The following LVRN variants were observed in gnomAD, a reference collection of about 807,000 sequenced individuals.
LVRN encodes laeverin.
A neutral mutation model predicts 111.4 loss-of-function variants in LVRN; 99 were observed. The observed-to-expected ratio is 0.89, with a 90% CI of 0.76 to 1.05. The LOEUF (loss-of-function observed/expected upper bound fraction) is 1.05, where lower values mean the gene tolerates loss of function less well. LVRN is among the 50% of genes least tolerant of loss of function. The pLI, the probability that LVRN is intolerant of heterozygous loss-of-function variation, is 0.00. For missense variants in LVRN, 1,414 were observed against 1,206.8 expected (o/e 1.17, Z -2.54); for synonymous variants, 488 against 449.5 (o/e 1.09, Z -1.08).
chr5:115,997,890 G>A (rs965986018), intron 6 of LVRN, among the ~76,000 whole-genome samples: 1 of 152,096 alleles, frequency 6.6e-6, no homozygotes, highest in Non-Finnish European at 1.5e-5. Context: ...AGACCTCTAG[G>A]GTGTTGAGGA....
chr5:116,012,345 T>C, intron 14 of LVRN, 29 bp from the exon 15 acceptor site: 1 of 1,224,754 alleles, frequency 8.2e-7, no homozygotes, highest in South Asian at 1.3e-5. Context: ...AAGCCAGAAC[T>C]AACAGTGTAT....
intron 13 of LVRN, among the ~76,000 whole-genome samples, chr5:116,006,656 T>G (rs1748381717): frequency 6.6e-6 from 1 of 152,228 alleles, no homozygotes; most frequent in Admixed American, 6.5e-5. Flanking sequence ...TTAGGACCAA[T>G]CATGGTTACA....
At position 116,003,481 on chromosome 5, in the gene LVRN, TC is replaced by T. The variant is rs1748284031; in HGVS notation, c.2037+104del. 9.5e-6 allele frequency: 7 copies of T among 738,458 alleles called. No individual in the cohort carries two copies. The South Asian group carries it at 2.3e-4, about 25-fold the overall frequency. 45.7% of individuals were successfully genotyped at this position (738,458 alleles called of 1,614,324 possible). On this transcript the variant is annotated intron_variant, in intron 12 of 19. Coordinates refer to ENST00000357872, the MANE Select transcript of LVRN (RefSeq NM_173800.5). ...TGGTGGGAAGAGATTCCACCTTCAT[TC>T]CCGCCCCTCACCTCCAGGCATGCAA...
In LVRN at chr5:115,962,926, G is replaced by A. The variant is rs141674956; in HGVS notation, c.309G>A (p.Val103=). ...WDQLRLPPWL[V]PLHYDLELWP... is the part of the protein sequence containing the mutation. Reference sequence around the variant, plus strand: ...AGCTACGCCTGCCGCCCTGGCTCGTGCCGCTGCACTACGATCTGGAGCTGT... The same window carrying A: ...AGCTACGCCTGCCGCCCTGGCTCGTACCGCTGCACTACGATCTGGAGCTGT... Residue 103 remains valine (V), a synonymous_variant, in exon 1 of 20, where the codon GTG becomes GTA. Transcript: ENST00000357872. 6.8e-5 allele frequency: 109 copies of A among 1,612,890 alleles called. No homozygotes were observed. The highest frequency in any genetic ancestry group is 4.6e-5 in the Non-Finnish European group (54 of 1,179,768).
chr5:116,022,528 G>A lies in LVRN; in HGVS notation c.2832+62G>A. On this transcript the variant is annotated intron_variant, in intron 19 of 19. Coordinates refer to ENST00000357872, the MANE Select transcript of LVRN (RefSeq NM_173800.5). Reference sequence around the variant, plus strand: ...TTGGAAACCACTTTTTATGCAATTTGGACTTGCTAAAATTAAAAATAATAT... The same window carrying A: ...TTGGAAACCACTTTTTATGCAATTTAGACTTGCTAAAATTAAAAATAATAT... 5 of 1,136,606 alleles carry A rather than the reference G, an allele frequency of 4.4e-6. No individual in the cohort carries two copies. The Admixed American group carries it at 6.7e-5, about 15-fold the overall frequency. The allele number at this position is 1,136,606 out of a possible 1,614,324, so 70.4% of individuals were successfully genotyped here.
At chr5:115,987,401 G>A (rs1019851035) in intron 3 of LVRN, among the ~76,000 whole-genome samples, 6 of 152,112 alleles carry the variant, frequency 3.9e-5, no homozygotes, top group Admixed American at 3.3e-4. Flanking sequence ...TGCTTAATAT[G>A]TACCATACTA....
chr5:115,999,922 T>C lies in LVRN; in HGVS notation c.1515+20T>C, dbSNP rs1189507442. 1 of 1,598,834 alleles carries C rather than the reference T, an allele frequency of 6.3e-7. No individual in the cohort carries two copies. The highest frequency in any genetic ancestry group is 1.8e-5 in the Admixed American group (1 of 55,338). ...AGCAAGGTAAAAGCAGTTAGAAATT[T>C]CCTTTGGTTTTGTACTCTGGTAGAA... On this transcript the variant is annotated intron_variant, in intron 7 of 19. Transcript: ENST00000357872.
chr5:115,971,347 T>G (rs983548423), intron 1 of LVRN, among the ~76,000 whole-genome samples: 4 of 152,234 alleles, frequency 2.6e-5, no homozygotes, highest in African/African-American at 9.6e-5. Context: ...GAAGTTCAGT[T>G]TATCAATGTT....
chr5:115,984,420 A>G (rs1181231714), intron 2 of LVRN, 150 bp from the exon 3 acceptor site: 3 of 900,648 alleles, frequency 3.3e-6, no homozygotes, highest in Admixed American at 2.9e-5. Context: ...GGTTTTGGAT[A>G]GCTTAGGAGT....
rs1753122459 is a variant in LVRN, at chr5:115,963,036, C to T, written c.419C>T (p.Ala140Val). Residue 140 changes from alanine to valine, a missense_variant, in exon 1 of 20, where the codon GCC becomes GTC. Coordinates refer to ENST00000357872, the MANE Select transcript of LVRN (RefSeq NM_173800.5). The part of the protein sequence containing the change: ...RVNITVRCTV[A>V]TSRLLLHSLF... Reference sequence around the variant, plus strand: ...AACATCACGGTGCGCTGCACGGTGGCCACCTCTCGACTGCTGCTGCATAGC... The same window carrying T: ...AACATCACGGTGCGCTGCACGGTGGTCACCTCTCGACTGCTGCTGCATAGC... The T allele has an allele frequency of 6.2e-7, 1 of 1,613,482 alleles. No homozygotes were observed. The highest frequency in any genetic ancestry group is 1.1e-5 in the South Asian group (1 of 91,084).
At chr5:116,001,970 A>G (rs2112605766) in intron 10 of LVRN, among the ~76,000 whole-genome samples, 1 of 152,288 alleles carries the variant, frequency 6.6e-6, no homozygotes, top group Admixed American at 6.5e-5. Flanking sequence ...CTGATTTTCA[A>G]CTGTTTTTGA....
In LVRN at chr5:115,992,634, T is replaced by C. The variant is rs530514798; in HGVS notation, c.1260+357T>C. Among the ~76,000 whole-genome samples the C allele has an allele frequency of 3.1e-4, 47 of 152,360 alleles. No homozygotes were observed. The South Asian group carries it at 3.7e-3, about 12-fold the overall frequency. ...GCTATTCAAAAGGATCACTGAAAGA[T>C]ACCCACATTTCATCAGCAGATTGTT... On this transcript the variant is annotated intron_variant, in intron 5 of 19. Transcript: ENST00000357872.
Position 116,026,208 on chromosome 5 carries a change from C to G in LVRN, c.*90C>G. The G allele has an allele frequency of 6.5e-7, 1 of 1,527,638 alleles. No individual in the cohort carries two copies. Among genetic ancestry groups the G allele is most frequent in the Non-Finnish European group, 8.9e-7 (1 of 1,119,432 alleles). The allele number at this position is 1,527,638 out of a possible 1,614,324, so 94.6% of individuals were successfully genotyped here. A position where few individuals can be genotyped will look rare whatever the true frequency, so the allele number is the denominator to read the frequency against. On this transcript the variant is annotated 3_prime_UTR_variant, in exon 20 of 20. Transcript: ENST00000357872. ...CCAATACTTTGTGAGTCTGGAAAAC[C>G]ACACATTTTATTTGTATTTCAGTCA...
intron 1 of LVRN, among the ~76,000 whole-genome samples, chr5:115,971,569 T>C (rs6594921): frequency 0.38 from 57,279 of 151,936 alleles, 11,360 homozygotes; most frequent in East Asian, 0.52. Flanking sequence ...TGTTAAAGAG[T>C]CTATGCTATC....
At chr5:115,994,041 TG>T (rs1471768240) in intron 6 of LVRN, among the ~76,000 whole-genome samples, 187 bp downstream of exon 6, 1 of 143,382 alleles carries the variant, frequency 7.0e-6, no homozygotes, top group East Asian at 2.6e-4. Context: ...CTATTGTAAA[TG>T]TTTTTGAAGG....
Position 115,992,290 on chromosome 5 carries a change from A to G in LVRN, c.1260+13A>G. On this transcript the variant is annotated intron_variant, in intron 5 of 19. Transcript: ENST00000357872. ...GATTGGACACCAGGCATGTGGTAAAATGTTCTTTTTATTTCACTTGAAGTT... is the reference window on the plus strand; with the variant it reads ...GATTGGACACCAGGCATGTGGTAAAGTGTTCTTTTTATTTCACTTGAAGTT... 2 of 1,613,194 alleles carry G rather than the reference A, an allele frequency of 1.2e-6. No individual in the cohort carries two copies. The highest frequency in any genetic ancestry group is 1.7e-6 in the Non-Finnish European group (2 of 1,179,662).
chr5:116,022,379 A>T lies in LVRN; in HGVS notation c.2757-12A>T. On this transcript the variant is annotated splice_polypyrimidine_tract_variant and intron_variant, in intron 18 of 19. Transcript: ENST00000357872. Reference sequence around the variant, plus strand: ...GCTTTCCACCCTTGATTAACATCTTATTGCCTTGTAGGTATGGAACACAAT... The same window carrying T: ...GCTTTCCACCCTTGATTAACATCTTTTTGCCTTGTAGGTATGGAACACAAT... 2 of 1,560,752 alleles carry T rather than the reference A, an allele frequency of 1.3e-6. No homozygotes were observed. The highest frequency in any genetic ancestry group is 1.8e-6 in the Non-Finnish European group (2 of 1,137,488).
intron 18 of LVRN, among the ~76,000 whole-genome samples, chr5:116,020,657 T>C (rs1292120295): frequency 6.6e-6 from 1 of 152,226 alleles, no homozygotes; most frequent in African/African-American, 2.4e-5. Context: ...TGAGAAGTTA[T>C]CAGAGTGGAG....
At position 115,983,260 on chromosome 5, in the gene LVRN, T is replaced by C. The variant is rs746241017; in HGVS notation, c.696-27T>C. On this transcript the variant is annotated intron_variant, in intron 1 of 19. Coordinates refer to ENST00000357872, the MANE Select transcript of LVRN (RefSeq NM_173800.5). The stretch of plus-strand genomic sequence containing the variant: ...TCCACTGGGTTGAAATAAAAATAAA[T>C]AAAAATTTCCCCAAAATGTATTTCA... 6 of 1,511,688 alleles carry C rather than the reference T, an allele frequency of 4.0e-6. No individual in the cohort carries two copies. The African/African-American group carries it at 4.2e-5, about 11-fold the overall frequency. 93.6% of individuals were successfully genotyped at this position (1,511,688 alleles called of 1,614,324 possible). A position where few individuals can be genotyped will look rare whatever the true frequency, so the allele number is the denominator to read the frequency against.
Sources: allele counts gnomAD v4.1 joint callset (sites outside exome capture counted in the v4.1 genomes callset), GRCh38; gene constraint gnomAD v4.1.1; transcripts MANE v1.5; gene names NCBI Gene and HGNC (gene_info 2026-07-23, HGNC 2026-07-21).